UNC79: variants seen among roughly 807,000 people sequenced by gnomAD.
UNC79 encodes protein unc-79 homolog.
In UNC79, 37 loss-of-function variants were observed where a neutral mutation model predicts 283.1. The observed-to-expected ratio is 0.13, with a 90% confidence interval of 0.10 to 0.17. The LOEUF is 0.17. Among genes scored for constraint, UNC79 ranks in the 10% least tolerant of loss-of-function variants. The pLI is 1.00. For synonymous variants in UNC79, 1,107 were observed against 1,200.2 expected (o/e 0.92, Z 1.61); for missense variants, 2,272 against 3,211.1 (o/e 0.71, Z 7.07).
chr14:93,559,094 C>G (rs2141399896), intron 14 of UNC79, among the ~76,000 whole-genome samples: 1 of 152,260 alleles, frequency 6.6e-6, no homozygotes, highest in Non-Finnish European at 1.5e-5. Flanking sequence ...TGGGCAGCCC[C>G]CAGAATCACA....
chr14:93,599,307 T>C (rs1217875198), intron 24 of UNC79, among the ~76,000 whole-genome samples: 1 of 152,180 alleles, frequency 6.6e-6, no homozygotes, highest in African/African-American at 2.4e-5. Flanking sequence ...GCTAGTTATC[T>C]GCAGAGGAAA....
chr14:93,538,346 A>C (rs2061186317), intron 12 of UNC79, 128 bp downstream of exon 12: 1 of 940,488 alleles, frequency 1.1e-6, no homozygotes, highest in African/African-American at 1.7e-5. Context: ...ACCTTCCCAC[A>C]GTGTTGTAAT....
At chr14:93,398,930 G>A (rs2055050194) in intron 1 of UNC79, among the ~76,000 whole-genome samples, 1 of 152,148 alleles carries the variant, frequency 6.6e-6, no homozygotes, top group Admixed American at 6.5e-5. Context: ...CCATTCTCAT[G>A]CTGCTATAAA....
In UNC79 at chr14:93,686,721, A is replaced by G. The variant is rs2074268358; in HGVS notation, c.6909+60A>G. The G allele has an allele frequency of 5.6e-6, 9 of 1,593,098 alleles. No individual in the cohort carries two copies. The Admixed American group carries it at 1.2e-4, about 21-fold the overall frequency. On this transcript the variant is annotated intron_variant, in intron 43 of 48. Coordinates refer to ENST00000555664, the Ensembl canonical transcript of UNC79. The stretch of plus-strand genomic sequence containing the variant: ...CACAAAACAGAGATGCTTTGAGAGA[A>G]TTAAGCAGACCATAGGGAACTTATC...
intron 14 of UNC79, among the ~76,000 whole-genome samples, chr14:93,567,690 TTTTTC>T (rs2062974750): frequency 6.6e-6 from 1 of 152,190 alleles, no homozygotes; most frequent in Non-Finnish European, 1.5e-5. Flanking sequence ...TCGGCTGAAG[TTTTTC>T]TTTTATCAGT....
chr14:93,687,895 C>T (rs1028708817), intron 43 of UNC79, among the ~76,000 whole-genome samples: 3 of 152,082 alleles, frequency 2.0e-5, no homozygotes, highest in African/African-American at 7.2e-5. Flanking sequence ...GAAATACAGA[C>T]ATAATCTCAC....
chr14:93,489,343 G>A (rs1377686702), intron 5 of UNC79, among the ~76,000 whole-genome samples: 1 of 152,052 alleles, frequency 6.6e-6, no homozygotes, highest in Non-Finnish European at 1.5e-5. Context: ...CATCCCAATA[G>A]CCCCAAAAAT....
At chr14:93,403,139 G>C (rs534814714) in intron 1 of UNC79, among the ~76,000 whole-genome samples, 10 of 152,242 alleles carry the variant, frequency 6.6e-5, no homozygotes, top group South Asian at 2.1e-4. Context: ...CATGTGAGAG[G>C]GGGGTAGAGG....
At chr14:93,675,973 A>T (rs2073309965) in intron 41 of UNC79, among the ~76,000 whole-genome samples, 2 of 152,238 alleles carry the variant, frequency 1.3e-5, no homozygotes, top group Admixed American at 6.5e-5. Flanking sequence ...TGTGGATTGC[A>T]CTGGCCAGGC....
intron 4 of UNC79, among the ~76,000 whole-genome samples, chr14:93,481,789 A>G (rs2058159192): frequency 1.3e-5 from 2 of 152,222 alleles, no homozygotes; most frequent in South Asian, 4.1e-4. Flanking sequence ...TGATATTTAA[A>G]TAATCTTTAA....
intron 7 of UNC79, among the ~76,000 whole-genome samples, chr14:93,515,941 A>G (rs2060034355): frequency 2.0e-5 from 3 of 151,848 alleles, no homozygotes; most frequent in African/African-American, 7.3e-5. Context: ...TTGTAAAGAA[A>G]TTCTATGCTT....
chr14:93,467,740 C>T (rs1157100455), exon 2 of UNC79: 1 of 1,450,110 alleles, frequency 6.9e-7, no homozygotes, highest in Non-Finnish European at 9.1e-7. Context: ...CCTGTACCAT[C>T]AGGAACAGAT....
At chr14:93,608,873 G>GT (rs1378049074) in intron 26 of UNC79, among the ~76,000 whole-genome samples, 2 of 152,274 alleles carry the variant, frequency 1.3e-5, no homozygotes, top group African/African-American at 4.8e-5. Flanking sequence ...TGTATAATAA[G>GT]TATCTACTAT....
At chr14:93,412,376 G>A (rs979208727) in intron 1 of UNC79, among the ~76,000 whole-genome samples, 15 of 151,886 alleles carry the variant, frequency 9.9e-5, no homozygotes, top group African/African-American at 3.4e-4. Context: ...TTATTGAAAG[G>A]GATAATAACG....
chr14:93,452,007 G>T (rs1371156796), intron 1 of UNC79, among the ~76,000 whole-genome samples: 6 of 152,148 alleles, frequency 3.9e-5, no homozygotes, highest in Admixed American at 6.5e-5. Flanking sequence ...TGTTTTAGAT[G>T]ATTGTCTTCA....
chr14:93,564,126 C>T (rs570362874), intron 14 of UNC79, among the ~76,000 whole-genome samples: 22 of 152,314 alleles, frequency 1.4e-4, no homozygotes, highest in African/African-American at 5.3e-4. Flanking sequence ...CAGCCCTGCA[C>T]TTCGGCTGTG....
chr14:93,582,746 G>A (rs1315509646), intron 20 of UNC79, among the ~76,000 whole-genome samples: 1 of 152,172 alleles, frequency 6.6e-6, no homozygotes, highest in Non-Finnish European at 1.5e-5. Context: ...AGGCTACTTT[G>A]CTGGCTCTTA....
At chr14:93,466,855 G>C in intron 1 of UNC79, 1 of 985,370 alleles carries the variant, frequency 1.0e-6, no homozygotes. Flanking sequence ...ACTACAGCCA[G>C]GTCAAAGGTC....
exon 2 of UNC79, chr14:93,467,758 A>C: frequency 6.7e-7 from 1 of 1,501,060 alleles, no homozygotes; most frequent in Non-Finnish European, 8.8e-7. Context: ...GATATTGCAA[A>C]CACCTTGAAA....
Sources: allele counts gnomAD v4.1 joint callset (sites outside exome capture counted in the v4.1 genomes callset), GRCh38; gene constraint gnomAD v4.1.1; transcripts MANE v1.5; gene names NCBI Gene and HGNC (gene_info 2026-07-23, HGNC 2026-07-21).